Variants in RIF1 observed in about 807,000 individuals in gnomAD.
The protein encoded by RIF1 is replication timing regulatory factor 1, also known as telomere-associated protein RIF1.
A neutral mutation model predicts 247.1 loss-of-function variants in RIF1; 45 were observed. The observed-to-expected ratio is 0.18, with a 90% confidence interval of 0.14 to 0.23. The LOEUF is 0.23. RIF1 is among the 10% of genes least tolerant of loss of function. The pLI is 1.00. For synonymous variants in RIF1, 1,087 were observed against 978.8 expected (o/e 1.11, Z -2.06); for missense variants, 2,967 against 2,862.5 (o/e 1.04, Z -0.83).
chr2:151,504,367 T>C (rs1275253443), intron 12 of RIF1, among the ~76,000 whole-genome samples: 1 of 152,214 alleles, frequency 6.6e-6, no homozygotes, highest in African/African-American at 2.4e-5. Context: ...AGAATTGATC[T>C]CGGACAACAG....
At chr2:151,532,246 T>G in the RIF1 span, 2 of 193,198 alleles carry the variant, frequency 1.0e-5, no homozygotes, top group African/African-American at 4.7e-5. Flanking sequence ...TTTATACACA[T>G]GTACTCGGAG....
At chr2:151,448,233 G>A (rs981753436) in intron 20 of RIF1, among the ~76,000 whole-genome samples, 8 of 151,836 alleles carry the variant, frequency 5.3e-5, no homozygotes, top group African/African-American at 1.9e-4. Context: ...TAGTAGAGAG[G>A]GGGTTTCACC....
intron 11 of RIF1, chr2:151,499,670 A>G (rs1178550944): frequency 3.4e-6 from 1 of 290,578 alleles, no homozygotes; most frequent in Non-Finnish European, 6.5e-6. Context: ...TAATTTCCTA[A>G]GACCACTAAA....
At chr2:151,500,230 A>G (rs1047046575) in intron 11 of RIF1, among the ~76,000 whole-genome samples, 18 of 152,180 alleles carry the variant, frequency 1.2e-4, no homozygotes, top group African/African-American at 3.9e-4. Context: ...GGGACCAAAG[A>G]AAGTTACTGA....
chr2:151,493,721 A>G, intron 9 of RIF1: 9 of 1,309,818 alleles, frequency 6.9e-6, no homozygotes, highest in Non-Finnish European at 8.5e-6. Context: ...TGGTACAACC[A>G]TGTTTGCCAG....
chr2:151,503,447 G>GAA lies in RIF1; in HGVS notation c.*861+265_*861+266dup, dbSNP rs1450862249. The GAA allele has an allele frequency of 2.5e-6, 4 of 1,578,474 alleles. No homozygotes were observed. The highest frequency in any genetic ancestry group is 3.5e-6 in the Non-Finnish European group (4 of 1,148,290). On this transcript the variant is annotated intron_variant and NMD_transcript_variant, in intron 12 of 13. Coordinates refer to the RIF1 transcript ENST00000454583. Reference sequence around the variant, plus strand: ...AAGTTTTCTTTGTACATAACCTGTAGAAAATAATTAGAATACCCAGAAAGG... The same window carrying GAA: ...AAGTTTTCTTTGTACATAACCTGTAGAAAAAATAATTAGAATACCCAGAAAGG...
At chr2:151,525,885 C>CT in the RIF1 span, 77 of 1,181,030 alleles carry the variant, frequency 6.5e-5, 1 homozygote, top group Middle Eastern at 4.6e-4. Context: ...CAAAAGGCAA[C>CT]TGACATTATT....
the RIF1 span, among the ~76,000 whole-genome samples, chr2:151,532,871 G>C: frequency 2.8e-4 from 43 of 152,084 alleles, no homozygotes; most frequent in South Asian, 6.2e-4. Flanking sequence ...GCATGCTTCA[G>C]TTGGCCTTCT....
chr2:151,455,040 T>G lies in RIF1; in HGVS notation c.2490T>G (p.Ile830Met). 6.2e-7 allele frequency: 1 copy of G among 1,613,948 alleles called. No homozygotes were observed. Among genetic ancestry groups the G allele is most frequent in the Non-Finnish European group, 8.5e-7 (1 of 1,179,868 alleles). Residue 830 changes from isoleucine to methionine, a missense_variant, in exon 22 of 36, where the codon ATT becomes ATG. Physicochemically the swap from Ile to Met is conservative, Grantham distance 10. Coordinates refer to ENST00000444746, the MANE Select transcript of RIF1 (RefSeq NM_018151.5). ...CACATTCTGATACCCTCTTCACTATTGGCAACTCAATCACCGGCATTATTT... is the reference window on the plus strand; with the variant it reads ...CACATTCTGATACCCTCTTCACTATGGGCAACTCAATCACCGGCATTATTT... ...KEAHSDTLFT[I>M]GNSITGIISS...
intron 9 of RIF1, chr2:151,493,491 A>T: frequency 7.7e-7 from 1 of 1,303,706 alleles, no homozygotes; most frequent in Non-Finnish European, 1.1e-6. Context: ...GCAGAAAACC[A>T]GGTCTGAAAA....
At position 151,416,871 on chromosome 2, in the gene RIF1, T is replaced by A; in HGVS notation, c.473T>A (p.Val158Asp). ...AAAGGAGAGACGCATTCTGCTGTTG[T>A]TGATTTTGAAGCATTAAATGTTATC... ...FNKGETHSAV[V>D]DFEALNVIVR... is the part of the protein sequence containing the mutation. The change falls in exon 6 of 36, where the codon GTT (valine) becomes GAT (aspartate). Residue 158 changes from valine to aspartate, a missense_variant. Val to Asp is a radical substitution (Grantham distance 152). Coordinates refer to ENST00000444746, the MANE Select transcript of RIF1 (RefSeq NM_018151.5). 6.2e-7 allele frequency: 1 copy of A among 1,612,524 alleles called. No homozygotes were observed.
chr2:151,481,003 A>T lies in RIF1; in HGVS notation c.*5932A>T, dbSNP rs2049146937. On this transcript the variant is annotated 3_prime_UTR_variant, in exon 36 of 36. Transcript: ENST00000444746. ...ATTTTGTGACACATGAAAACATATT[A>T]AATTAAAATTTCAGTATCCAGAAAT... is the stretch of plus-strand genomic sequence containing the variant. 6.6e-6 allele frequency: 1 copy of T among 152,208 alleles called. No homozygotes were observed. The highest frequency in any genetic ancestry group is 2.4e-5 in the African/African-American group (1 of 41,454). 9.4% of individuals were successfully genotyped at this position (152,208 alleles called of 1,614,324 possible).
At chr2:151,518,093 T>G in the RIF1 span, among the ~76,000 whole-genome samples, 3 of 152,164 alleles carry the variant, frequency 2.0e-5, no homozygotes, top group Non-Finnish European at 2.9e-5. Context: ...TCTTTATGCT[T>G]CCAGCCCCTG....
At chr2:151,498,045 T>G (rs2061491434) in intron 10 of RIF1, 1 of 1,447,576 alleles carries the variant, frequency 6.9e-7, no homozygotes, top group Non-Finnish European at 9.1e-7. Flanking sequence ...AATGGAAACA[T>G]TCATTATTTT....
At chr2:151,521,169 C>A in the RIF1 span, among the ~76,000 whole-genome samples, 2 of 152,176 alleles carry the variant, frequency 1.3e-5, no homozygotes, top group Admixed American at 1.3e-4. Context: ...CCTCCCCCAA[C>A]TTGACACATC....
intron 9 of RIF1, chr2:151,493,633 G>C (rs2058236573): frequency 1.3e-6 from 1 of 770,224 alleles, no homozygotes; most frequent in Non-Finnish European, 2.0e-6. Flanking sequence ...TCGTGGGGTT[G>C]GTTTGTTGTT....
At chr2:151,429,501 A>G (rs888679357) in intron 9 of RIF1, among the ~76,000 whole-genome samples, 5 of 152,190 alleles carry the variant, frequency 3.3e-5, no homozygotes, top group African/African-American at 9.7e-5. Flanking sequence ...GCTTTCTTAC[A>G]TGTTAGCACT....
chr2:151,480,491 A>G lies in RIF1; in HGVS notation c.*5420A>G, dbSNP rs148515958. Reference sequence around the variant, plus strand: ...ATACTTCAGAAATAGCTGATAGCCTATAGTCTCTGAGAGCTATTCTGTACA... The same window carrying G: ...ATACTTCAGAAATAGCTGATAGCCTGTAGTCTCTGAGAGCTATTCTGTACA... On this transcript the variant is annotated 3_prime_UTR_variant, in exon 36 of 36. Transcript: ENST00000444746. 382 of 152,318 alleles carry G rather than the reference A, an allele frequency of 2.5e-3. 1 individual carries two copies. The highest frequency in any genetic ancestry group is 8.6e-3 in the African/African-American group (356 of 41,586). The allele number at this position is 152,318 out of a possible 1,614,324, so 9.4% of individuals were successfully genotyped here. A position where few individuals can be genotyped will look rare whatever the true frequency, so the allele number is the denominator to read the frequency against.
At chr2:151,506,339 G>T in exon 13 of RIF1, 1 of 1,059,418 alleles carries the variant, frequency 9.4e-7, no homozygotes, top group Non-Finnish European at 1.4e-6. Flanking sequence ...AGGACACATG[G>T]CTTTTGTGAA....
Sources: gnomAD v4.1 joint callset for allele counts (sites outside exome capture counted in the v4.1 genomes callset) on GRCh38, gnomAD v4.1.1 for gene constraint, MANE v1.5 for transcripts, NCBI Gene and HGNC (gene_info 2026-07-23, HGNC 2026-07-21) for gene names.